SPIDR: variants seen among roughly 807,000 people sequenced by gnomAD.
The protein encoded by SPIDR is DNA repair-scaffolding protein.
Under a neutral mutation model 104.6 loss-of-function variants are expected in SPIDR, and 93 were observed. The observed-to-expected ratio is 0.89, with a 90% CI of 0.75 to 1.06. SPIDR has a LOEUF of 1.06. Ranked by LOEUF, SPIDR falls within the 50% of genes least tolerant of loss-of-function variation. The pLI, the probability that SPIDR is intolerant of heterozygous loss-of-function variation, is 0.00. For missense variants in SPIDR, 1,154 were observed against 1,111.2 expected (o/e 1.04, Z -0.55); for synonymous variants, 431 against 416.9 (o/e 1.03, Z -0.41).
intron 8 of SPIDR, among the ~76,000 whole-genome samples, chr8:47,476,839 C>T (rs2076346070): frequency 1.3e-5 from 2 of 152,214 alleles, no homozygotes; most frequent in Non-Finnish European, 1.5e-5. Flanking sequence ...GCTCAGGGCT[C>T]TGCCCAAAAA....
intron 10 of SPIDR, among the ~76,000 whole-genome samples, chr8:47,658,152 C>T (rs953254666): frequency 2.0e-5 from 3 of 151,976 alleles, no homozygotes; most frequent in Non-Finnish European, 2.9e-5. Context: ...GGTGCCGTGG[C>T]TTACACCTGT....
chr8:47,697,544 GCTCCTGCCAGGC>G (rs1220324738), intron 11 of SPIDR, among the ~76,000 whole-genome samples: 2 of 152,114 alleles, frequency 1.3e-5, no homozygotes, highest in African/African-American at 4.8e-5. Flanking sequence ...GCACGCGTGG[GCTCCTGCCAGGC>G]CTCCTGCCTC....
chr8:47,362,429 C>G (rs1326463173), intron 5 of SPIDR, among the ~76,000 whole-genome samples: 1 of 152,122 alleles, frequency 6.6e-6, no homozygotes, highest in African/African-American at 2.4e-5. Flanking sequence ...ATGAAGGGCC[C>G]GGACCCAGTG....
chr8:47,500,272 G>A (rs1463632105), intron 8 of SPIDR, among the ~76,000 whole-genome samples: 3 of 152,150 alleles, frequency 2.0e-5, no homozygotes, highest in African/African-American at 7.2e-5. Context: ...GTGTAAAAGT[G>A]TTCCTATTTC....
At chr8:47,336,783 A>G (rs575105732) in intron 5 of SPIDR, among the ~76,000 whole-genome samples, 2 of 152,338 alleles carry the variant, frequency 1.3e-5, no homozygotes, top group South Asian at 2.1e-4. Context: ...GTTCTCTTGT[A>G]TATATACCTA....
intron 10 of SPIDR, among the ~76,000 whole-genome samples, chr8:47,654,875 C>A (rs552206725): frequency 5.9e-5 from 9 of 152,154 alleles, no homozygotes; most frequent in Admixed American, 2.0e-4. Context: ...ATCCCTCCCC[C>A]CTCCTCCCAC....
chr8:47,523,611 G>A (rs1185746923), intron 8 of SPIDR, among the ~76,000 whole-genome samples: 1 of 152,170 alleles, frequency 6.6e-6, no homozygotes, highest in Non-Finnish European at 1.5e-5. Flanking sequence ...CTGTCTCCCT[G>A]CCGGCTGGTG....
chr8:47,435,165 A>C (rs2068060360), intron 7 of SPIDR, among the ~76,000 whole-genome samples: 1 of 151,766 alleles, frequency 6.6e-6, no homozygotes, highest in African/African-American at 2.4e-5. Flanking sequence ...ACTCATTTTT[A>C]TATTTTTATT....
chr8:47,723,189 A>G (rs1016263332), intron 16 of SPIDR, among the ~76,000 whole-genome samples: 1 of 152,134 alleles, frequency 6.6e-6, no homozygotes, highest in Non-Finnish European at 1.5e-5. Context: ...TATAAACAAC[A>G]TATAGTTGGT....
At chr8:47,489,786 A>G (rs2078352384) in intron 8 of SPIDR, among the ~76,000 whole-genome samples, 1 of 152,200 alleles carries the variant, frequency 6.6e-6, no homozygotes, top group East Asian at 1.9e-4. Context: ...TGCTGGGAAA[A>G]CTGGCTAGCC....
intron 5 of SPIDR, among the ~76,000 whole-genome samples, chr8:47,364,198 T>C (rs1317289305): frequency 6.6e-6 from 1 of 152,232 alleles, no homozygotes; most frequent in Non-Finnish European, 1.5e-5. Flanking sequence ...TTTAATCCTG[T>C]ATAGGCTTGA....
At chr8:47,589,026 T>G (rs563105562) in intron 8 of SPIDR, among the ~76,000 whole-genome samples, 63 of 147,290 alleles carry the variant, frequency 4.3e-4, no homozygotes, top group East Asian at 1.8e-3. Context: ...TAGTTTGTTT[T>G]TTTTTTTTTT....
chr8:47,591,950 C>G (rs1321631351), intron 8 of SPIDR, among the ~76,000 whole-genome samples: 1 of 152,192 alleles, frequency 6.6e-6, no homozygotes, highest in Non-Finnish European at 1.5e-5. Context: ...CTTCTAGCTT[C>G]TGCTCATGCT....
intron 7 of SPIDR, among the ~76,000 whole-genome samples, chr8:47,414,909 GT>G (rs1470602712): frequency 3.3e-5 from 5 of 151,630 alleles, no homozygotes. Context: ...GTTTTGTTTT[GT>G]TTTTTTTCTT....
chr8:47,558,626 C>T (rs2056656561), intron 8 of SPIDR, among the ~76,000 whole-genome samples: 1 of 28,082 alleles, frequency 3.6e-5, no homozygotes, highest in African/African-American at 1.6e-4. Flanking sequence ...AAGTATCTAG[C>T]TTCACCTTTT....
intron 10 of SPIDR, among the ~76,000 whole-genome samples, chr8:47,668,790 A>G (rs2075370021): frequency 6.6e-6 from 1 of 152,200 alleles, no homozygotes; most frequent in African/African-American, 2.4e-5. Flanking sequence ...ATACAAGGCC[A>G]TTGTATTTCT....
chr8:47,520,270 A>T (rs1206496301), intron 8 of SPIDR, among the ~76,000 whole-genome samples: 1 of 152,158 alleles, frequency 6.6e-6, no homozygotes, highest in Non-Finnish European at 1.5e-5. Flanking sequence ...ATGATCCCCC[A>T]GCTTGTTAAT....
intron 5 of SPIDR, among the ~76,000 whole-genome samples, chr8:47,299,359 A>G (rs1275596994): frequency 0.018 from 2,781 of 152,300 alleles, 85 homozygotes; most frequent in African/African-American, 0.064. Flanking sequence ...GGCTGAGGCA[A>G]TGGGGTTTTC....
At chr8:47,285,479 AT>A (rs1272672415) in intron 3 of SPIDR, among the ~76,000 whole-genome samples, 11 of 152,212 alleles carry the variant, frequency 7.2e-5, no homozygotes, top group African/African-American at 2.4e-4. Context: ...CCCAGCTGTC[AT>A]AAAAATACTA....
Sources: allele counts gnomAD v4.1 joint callset (sites outside exome capture counted in the v4.1 genomes callset), GRCh38; gene constraint gnomAD v4.1.1; transcripts MANE v1.5; gene names NCBI Gene and HGNC (gene_info 2026-07-23, HGNC 2026-07-21).